Variants in KLF12 observed in about 807,000 individuals in gnomAD.
The protein encoded by KLF12 is Krueppel-like factor 12.
KLF12 carries 9 observed loss-of-function variants against 37.8 expected under a neutral mutation model. The observed-to-expected ratio is 0.24, with a 90% CI of 0.14 to 0.42. The LOEUF is 0.42. Among genes scored for constraint, KLF12 ranks in the 10% least tolerant of loss-of-function variants. The probability of loss-of-function intolerance (pLI) is 1.00; values close to 1 mark genes in which losing one functional copy is unlikely to be tolerated. For synonymous variants in KLF12, 208 were observed against 202.1 expected (o/e 1.03, Z -0.25); for missense variants, 411 against 516.0 (o/e 0.80, Z 1.97).
intron 4 of KLF12, among the ~76,000 whole-genome samples, chr13:73,828,801 G>A (rs79433436): frequency 0.044 from 6,752 of 152,140 alleles, 251 homozygotes; most frequent in African/African-American, 0.099. Context: ...CTTCATTTCC[G>A]CTTCTTTTAA....
the KLF12 span, among the ~76,000 whole-genome samples, chr13:74,273,414 G>A: frequency 6.7e-6 from 1 of 150,262 alleles, no homozygotes; most frequent in South Asian, 2.1e-4. Context: ...TTGACTTAAT[G>A]TTAATCTATT....
At chr13:73,751,657 G>T (rs894766385) in intron 6 of KLF12, among the ~76,000 whole-genome samples, 1 of 152,214 alleles carries the variant, frequency 6.6e-6, no homozygotes, top group African/African-American at 2.4e-5. Context: ...TGAGAAGACT[G>T]AGGTTAGGGA....
At chr13:73,733,546 TCA>T (rs1041283108) in intron 6 of KLF12, among the ~76,000 whole-genome samples, 5 of 150,438 alleles carry the variant, frequency 3.3e-5, no homozygotes, top group African/African-American at 7.5e-5. Context: ...ACATGCACAC[TCA>T]CACACACACT....
At chr13:73,921,163 C>T (rs749233373) in intron 3 of KLF12, among the ~76,000 whole-genome samples, 3 of 152,202 alleles carry the variant, frequency 2.0e-5, no homozygotes, top group Non-Finnish European at 2.9e-5. Context: ...ACTTCCCTCC[C>T]TTCTATGAAG....
chr13:74,099,093 A>G (rs1876152200), intron 1 of KLF12, among the ~76,000 whole-genome samples: 2 of 152,182 alleles, frequency 1.3e-5, no homozygotes, highest in South Asian at 4.1e-4. Flanking sequence ...CACATCTGCA[A>G]CTTCAACACT....
intron 1 of KLF12, among the ~76,000 whole-genome samples, chr13:74,126,184 CAT>C (rs1877932187): frequency 1.3e-5 from 2 of 152,062 alleles, no homozygotes; most frequent in Admixed American, 1.3e-4. Flanking sequence ...GATACAAATA[CAT>C]ATGATACATA....
chr13:73,741,787 T>TA (rs1173066981), intron 6 of KLF12, among the ~76,000 whole-genome samples: 3 of 152,112 alleles, frequency 2.0e-5, no homozygotes, highest in African/African-American at 7.3e-5. Flanking sequence ...CAGTTAAGTT[T>TA]AAAAAAATGT....
the KLF12 span, among the ~76,000 whole-genome samples, chr13:74,243,965 A>T: frequency 6.6e-6 from 1 of 152,212 alleles, no homozygotes. Context: ...TTTAATGAAC[A>T]TATGTTGGGG....
intron 1 of KLF12, among the ~76,000 whole-genome samples, chr13:74,071,007 C>A (rs1424658980): frequency 6.6e-6 from 1 of 152,128 alleles, no homozygotes; most frequent in African/African-American, 2.4e-5. Flanking sequence ...TAAGCATTAC[C>A]AAATAGAACT....
chr13:73,986,875 C>CT (rs1236774887), intron 2 of KLF12, among the ~76,000 whole-genome samples: 1 of 152,068 alleles, frequency 6.6e-6, no homozygotes, highest in African/African-American at 2.4e-5. Context: ...CCTCCCAATA[C>CT]TTTGAGTTTA....
chr13:74,180,290 T>C, the KLF12 span, among the ~76,000 whole-genome samples: 58 of 152,370 alleles, frequency 3.8e-4, no homozygotes, highest in African/African-American at 1.4e-3. Flanking sequence ...AGGGAAATGC[T>C]TGGTCTGACA....
At chr13:74,188,302 CCAG>C in the KLF12 span, among the ~76,000 whole-genome samples, 1 of 151,342 alleles carries the variant, frequency 6.6e-6, no homozygotes, top group Non-Finnish European at 1.5e-5. Flanking sequence ...TGAGGATGTA[CCAG>C]TGAATAAAAC....
At chr13:74,120,560 A>AT (rs1877569542) in intron 1 of KLF12, among the ~76,000 whole-genome samples, 1 of 152,032 alleles carries the variant, frequency 6.6e-6, no homozygotes, top group South Asian at 2.1e-4. Flanking sequence ...ATATAAAAAC[A>AT]TATCTACATA....
At chr13:73,697,442 A>ACTG (rs1470056759) in intron 7 of KLF12, among the ~76,000 whole-genome samples, 1 of 152,234 alleles carries the variant, frequency 6.6e-6, no homozygotes, top group East Asian at 1.9e-4. Context: ...TGGTTGTCCC[A>ACTG]TGGAGACAAA....
At chr13:73,831,351 G>A (rs1457002133) in intron 4 of KLF12, among the ~76,000 whole-genome samples, 1 of 151,934 alleles carries the variant, frequency 6.6e-6, no homozygotes, top group Non-Finnish European at 1.5e-5. Context: ...TCTACATGTT[G>A]GTTATTGTCA....
intron 1 of KLF12, among the ~76,000 whole-genome samples, chr13:74,052,783 A>G (rs1873006627): frequency 6.6e-6 from 1 of 152,150 alleles, no homozygotes; most frequent in Admixed American, 6.5e-5. Context: ...CCATTACTAC[A>G]GCTGAGATGA....
At chr13:73,701,935 C>T (rs774185354) in intron 7 of KLF12, among the ~76,000 whole-genome samples, 4 of 151,960 alleles carry the variant, frequency 2.6e-5, no homozygotes, top group Non-Finnish European at 5.9e-5. Flanking sequence ...GAAAAAGAAA[C>T]GTGTTAACCA....
intron 3 of KLF12, among the ~76,000 whole-genome samples, chr13:73,871,581 A>G (rs1886467325): frequency 6.6e-6 from 1 of 152,184 alleles, no homozygotes; most frequent in African/African-American, 2.4e-5. Flanking sequence ...TTGCCTCCAA[A>G]GTGTACATAG....
intron 5 of KLF12, among the ~76,000 whole-genome samples, chr13:73,798,053 T>G (rs1456500008): frequency 6.6e-6 from 1 of 152,218 alleles, no homozygotes; most frequent in Non-Finnish European, 1.5e-5. Context: ...ACCCCAAATT[T>G]GTTTCAAAGC....
Sources: gnomAD v4.1 joint callset for allele counts (sites outside exome capture counted in the v4.1 genomes callset) on GRCh38, gnomAD v4.1.1 for gene constraint, MANE v1.5 for transcripts, NCBI Gene and HGNC (gene_info 2026-07-23, HGNC 2026-07-21) for gene names.